The following SLC24A2 variants were observed in gnomAD, a reference collection of about 807,000 sequenced individuals.
The protein encoded by SLC24A2 is solute carrier family 24 member 2.
In SLC24A2, 36 loss-of-function variants were observed where a neutral mutation model predicts 62.0. The observed-to-expected ratio is 0.58, with a 90% CI of 0.44 to 0.77. The LOEUF is 0.77. Ranked by LOEUF, SLC24A2 falls within the 30% of genes least tolerant of loss-of-function variation. SLC24A2 has a pLI of 0.00. For synonymous variants in SLC24A2, 358 were observed against 294.0 expected, an observed-to-expected ratio of 1.22 and a Z score of -2.23; for missense variants, 846 against 817.9, an observed-to-expected ratio of 1.03 and a Z score of -0.42.
At chr9:20,174,910 T>A in the SLC24A2 span, among the ~76,000 whole-genome samples, 1 of 151,924 alleles carries the variant, frequency 6.6e-6, no homozygotes, top group Non-Finnish European at 1.5e-5. Context: ...CACATGCTTA[T>A]AGCAGCACAA....
chr9:20,052,215 A>G, the SLC24A2 span, among the ~76,000 whole-genome samples: 1 of 152,184 alleles, frequency 6.6e-6, no homozygotes, highest in East Asian at 1.9e-4. Flanking sequence ...CTCTTCTCTC[A>G]TCTCAGTAAA....
upstream of SLC24A2, among the ~76,000 whole-genome samples, chr9:19,789,489 G>C (rs1420222127): frequency 6.6e-6 from 1 of 152,224 alleles, no homozygotes; most frequent in Non-Finnish European, 1.5e-5. Flanking sequence ...GGTTTCTTGA[G>C]TGTTGGATTT....
chr9:20,117,374 G>T, the SLC24A2 span, among the ~76,000 whole-genome samples: 2 of 152,164 alleles, frequency 1.3e-5, no homozygotes, highest in Non-Finnish European at 1.5e-5. Context: ...ACATGAAAGA[G>T]ATAATTCTGT....
intron 5 of SLC24A2, among the ~76,000 whole-genome samples, chr9:19,585,022 T>C (rs953156014): frequency 2.0e-5 from 3 of 152,224 alleles, no homozygotes; most frequent in African/African-American, 7.2e-5. Context: ...GAGTAATTTC[T>C]GTAATTAATG....
chr9:20,072,188 T>C, the SLC24A2 span, among the ~76,000 whole-genome samples: 1 of 152,118 alleles, frequency 6.6e-6, no homozygotes, highest in African/African-American at 2.4e-5. Context: ...GGTGTCAAAA[T>C]GTGATTGGAC....
At chr9:19,525,549 G>A (rs1003107937) in intron 9 of SLC24A2, among the ~76,000 whole-genome samples, 1 of 151,238 alleles carries the variant, frequency 6.6e-6, no homozygotes, top group Non-Finnish European at 1.5e-5. Flanking sequence ...GACTACAGGC[G>A]TGTGCTACCA....
chr9:20,031,923 C>T, the SLC24A2 span, among the ~76,000 whole-genome samples: 2 of 152,138 alleles, frequency 1.3e-5, no homozygotes, highest in South Asian at 2.1e-4. Flanking sequence ...TGTGTAAATA[C>T]TCCCATAATC....
the SLC24A2 span, among the ~76,000 whole-genome samples, chr9:19,947,806 A>AGAAAGAAAGAAAG: frequency 2.0e-5 from 2 of 100,674 alleles, no homozygotes; most frequent in African/African-American, 6.7e-5. Context: ...AAAAAAAAAA[A>AGAAAGAAAGAAAG]AAAAAGAAAG....
the SLC24A2 span, among the ~76,000 whole-genome samples, chr9:20,211,751 C>T: frequency 3.3e-5 from 5 of 151,882 alleles, no homozygotes; most frequent in South Asian, 2.1e-4. Flanking sequence ...AAATTGTTAA[C>T]GAGGAAAGGG....
At chr9:19,830,691 C>T in the SLC24A2 span, among the ~76,000 whole-genome samples, 2 of 152,238 alleles carry the variant, frequency 1.3e-5, no homozygotes, top group Non-Finnish European at 2.9e-5. Context: ...CTAGACCCGG[C>T]AGACTCCAGA....
At chr9:19,886,590 G>A in the SLC24A2 span, among the ~76,000 whole-genome samples, 4 of 152,292 alleles carry the variant, frequency 2.6e-5, no homozygotes, top group South Asian at 4.1e-4. Flanking sequence ...AAATAGGAAC[G>A]CTTTTACACC....
intron 2 of SLC24A2, among the ~76,000 whole-genome samples, chr9:19,693,248 A>C (rs1820093302): frequency 6.6e-6 from 1 of 152,078 alleles, no homozygotes; most frequent in Non-Finnish European, 1.5e-5. Context: ...ATGTATGTTT[A>C]TTGTGGCACT....
the SLC24A2 span, among the ~76,000 whole-genome samples, chr9:20,012,520 A>G: frequency 2.6e-5 from 4 of 152,062 alleles, no homozygotes; most frequent in Non-Finnish European, 4.4e-5. Flanking sequence ...TCAACATAGT[A>G]CAGAAAGTCC....
chr9:19,699,447 A>G (rs1011365471), intron 2 of SLC24A2, among the ~76,000 whole-genome samples: 6 of 152,188 alleles, frequency 3.9e-5, no homozygotes, highest in Non-Finnish European at 5.9e-5. Context: ...ACCAGGAACA[A>G]TTATGTTCAA....
chr9:19,515,984 T>C lies in SLC24A2; in HGVS notation c.*169A>G. ...CAGTAGGCAGGGTGGAAGCAGCCTGTGAAGTGAATGGGCCCAGTGTGAATC... is the reference window on the plus strand; with the variant it reads ...CAGTAGGCAGGGTGGAAGCAGCCTGCGAAGTGAATGGGCCCAGTGTGAATC... On this transcript the variant is annotated 3_prime_UTR_variant, in exon 11 of 11. Transcript: ENST00000341998. 1.2e-6 allele frequency: 1 copy of C among 827,730 alleles called. No individual in the cohort carries two copies. Among genetic ancestry groups the C allele is most frequent in the Non-Finnish European group, 2.1e-6 (1 of 487,552 alleles). The allele number at this position is 827,730 out of a possible 1,614,324, so 51.3% of individuals were successfully genotyped here. A position where few individuals can be genotyped will look rare whatever the true frequency, so the allele number is the denominator to read the frequency against.
At chr9:19,673,556 C>T (rs191666921) in intron 2 of SLC24A2, among the ~76,000 whole-genome samples, 32 of 152,284 alleles carry the variant, frequency 2.1e-4, no homozygotes, top group African/African-American at 5.8e-4. Context: ...TCAAGTGATT[C>T]TCCTGCCTCA....
chr9:19,969,593 A>G, the SLC24A2 span, among the ~76,000 whole-genome samples: 5 of 152,136 alleles, frequency 3.3e-5, no homozygotes, highest in African/African-American at 1.2e-4. Context: ...AGCTACTTCC[A>G]GTGCCTCTTT....
Position 19,772,989 on chromosome 9 carries a change from T to C in SLC24A2, c.930+12948A>G, listed in dbSNP as rs138569294. 5.7e-3 allele frequency among the ~76,000 whole-genome samples: 863 copies of C among 152,316 alleles called. 8 individuals are homozygous for C. The highest frequency in any genetic ancestry group is 0.02 in the African/African-American group (820 of 41,570). Reference sequence around the variant, plus strand: ...TGTGGTGTACCTATATAGTGCAATATTATTTGGACATAAAAAGGTTACAAC... The same window carrying C: ...TGTGGTGTACCTATATAGTGCAATACTATTTGGACATAAAAAGGTTACAAC... On this transcript the variant is annotated intron_variant, in intron 2 of 10. Transcript: ENST00000341998.
chr9:19,630,480 C>A (rs1818149535), intron 2 of SLC24A2, among the ~76,000 whole-genome samples: 1 of 151,634 alleles, frequency 6.6e-6, no homozygotes, highest in Non-Finnish European at 1.5e-5. Flanking sequence ...AGAACAAAAC[C>A]CCACAATTTG....
Sources: gnomAD v4.1 joint callset for allele counts (sites outside exome capture counted in the v4.1 genomes callset) on GRCh38, gnomAD v4.1.1 for gene constraint, MANE v1.5 for transcripts, NCBI Gene and HGNC (gene_info 2026-07-23, HGNC 2026-07-21) for gene names.